Variants in NR3C2 observed in about 807,000 individuals in gnomAD.
NR3C2 encodes the protein mineralocorticoid receptor.
NR3C2 carries 15 observed loss-of-function variants against 86.4 expected under a neutral mutation model. That is an observed-to-expected ratio of 0.17 (90% CI 0.12 to 0.27). The LOEUF (loss-of-function observed/expected upper bound fraction) is 0.27, where lower values mean the gene tolerates loss of function less well. Ranked by LOEUF, NR3C2 falls within the 10% of genes least tolerant of loss-of-function variation. The probability of loss-of-function intolerance (pLI) is 1.00; values close to 1 mark genes in which losing one functional copy is unlikely to be tolerated. For missense variants in NR3C2, 960 were observed against 1,195.6 expected, an observed-to-expected ratio of 0.80 and a Z score of 2.91; for synonymous variants, 458 against 450.5, an observed-to-expected ratio of 1.02 and a Z score of -0.21.
At chr4:148,214,979 G>A (rs1002422422) in intron 3 of NR3C2, among the ~76,000 whole-genome samples, 19 of 122,954 alleles carry the variant, frequency 1.5e-4, no homozygotes, top group Non-Finnish European at 2.7e-4. Flanking sequence ...CTGGGGCTGC[G>A]TGCAGCCTTC....
At position 148,307,850 on chromosome 4, in the gene NR3C2, AAAAAC is replaced by A. The variant is rs530872177; in HGVS notation, c.1758-47738_1758-47734del. 3.1e-3 allele frequency among the ~76,000 whole-genome samples: 472 copies of A among 151,970 alleles called. 1 individual carries two copies. Among genetic ancestry groups the A allele is most frequent in the African/African-American group, 0.011 (447 of 41,404 alleles). On this transcript the variant is annotated intron_variant, in intron 2 of 8. Coordinates refer to ENST00000358102, the MANE Select transcript of NR3C2 (RefSeq NM_000901.5). ...TAAAGCTAAGCTCTGCATCATTAAAAAAAACAAAACAAAACAAAAAAAGGGCACTT... is the reference window on the plus strand; with the variant it reads ...TAAAGCTAAGCTCTGCATCATTAAAAAAAACAAAACAAAAAAAGGGCACTT...
chr4:148,157,664 T>G (rs1222563542), intron 4 of NR3C2, among the ~76,000 whole-genome samples: 1 of 152,066 alleles, frequency 6.6e-6, no homozygotes, highest in Admixed American at 6.5e-5. Flanking sequence ...TGAGCTTAGG[T>G]ATGTGAGAAT....
intron 2 of NR3C2, among the ~76,000 whole-genome samples, chr4:148,336,756 A>G (rs28612659): frequency 0.29 from 44,071 of 152,120 alleles, 7,104 homozygotes; most frequent in Middle Eastern, 0.43. Context: ...TAATCATTAA[A>G]ATGATATAAA....
chr4:148,112,996 T>G (rs1469343652), intron 8 of NR3C2, among the ~76,000 whole-genome samples: 1 of 152,204 alleles, frequency 6.6e-6, no homozygotes, highest in African/African-American at 2.4e-5. Context: ...TTCACAAATA[T>G]GAAGAACTAA....
intron 3 of NR3C2, among the ~76,000 whole-genome samples, chr4:148,240,933 T>G (rs1460957522): frequency 6.6e-6 from 1 of 152,132 alleles, no homozygotes; most frequent in African/African-American, 2.4e-5. Context: ...GATTTCCTGT[T>G]AGGATGAGGT....
chr4:148,352,408 CTAT>C (rs1253156654), intron 2 of NR3C2, among the ~76,000 whole-genome samples: 7 of 151,858 alleles, frequency 4.6e-5, no homozygotes, highest in Non-Finnish European at 1.5e-5. Flanking sequence ...ATCTATCTAT[CTAT>C]CTATCTATCT....
At chr4:148,308,781 T>A (rs952593429) in intron 2 of NR3C2, among the ~76,000 whole-genome samples, 1 of 151,978 alleles carries the variant, frequency 6.6e-6, no homozygotes, top group Non-Finnish European at 1.5e-5. Flanking sequence ...AGCTCAGGAG[T>A]TCGAGACCAG....
chr4:148,114,219 A>G lies in NR3C2; in HGVS notation c.2684T>C (p.Met895Thr). ...GLKSQAAFEE[M>T]RTNYIKELRK... ...CAGTTCTTTGATGTAATTTGTCCTC[A>G]TTTCTTCAAATGCAGCCTGGCTTTT... The change falls in exon 8 of 9, where the codon ATG becomes ACG. Residue 895 changes from methionine (M) to threonine (T), a missense_variant. Met to Thr is a moderately conservative substitution (Grantham distance 81). This residue lies in a region of NR3C2 where 151 missense variants were observed against 296.3 expected (regional missense o/e 0.51). Transcript: ENST00000358102. The G allele has an allele frequency of 1.2e-6, 2 of 1,613,960 alleles. No individual in the cohort carries two copies. Among genetic ancestry groups the G allele is most frequent in the African/African-American group, 1.3e-5 (1 of 74,998 alleles).
chr4:148,244,684 AG>A (rs1739232987), intron 3 of NR3C2, among the ~76,000 whole-genome samples: 1 of 152,200 alleles, frequency 6.6e-6, no homozygotes, highest in Admixed American at 6.5e-5. Flanking sequence ...TTGAAGGGAG[AG>A]GAAGAGCCTA....
chr4:148,156,213 A>C, intron 4 of NR3C2, among the ~76,000 whole-genome samples: 1 of 152,248 alleles, frequency 6.6e-6, no homozygotes, highest in Non-Finnish European at 1.5e-5. Context: ...CAAGGACTTC[A>C]TGTCTAAAAC....
chr4:148,436,945 A>G, intron 1 of NR3C2, 83 bp from the exon 2 acceptor site: 1 of 1,127,838 alleles, frequency 8.9e-7, no homozygotes, highest in Non-Finnish European at 1.3e-6. Flanking sequence ...GCATTTGCTA[A>G]GCCACAAAAC....
At chr4:148,314,501 A>C (rs1743068964) in intron 2 of NR3C2, among the ~76,000 whole-genome samples, 1 of 152,148 alleles carries the variant, frequency 6.6e-6, no homozygotes, top group Admixed American at 6.5e-5. Context: ...TCTTACATTT[A>C]TATTTTACAA....
At chr4:148,193,945 C>T (rs181985787) in intron 4 of NR3C2, among the ~76,000 whole-genome samples, 134 of 152,276 alleles carry the variant, frequency 8.8e-4, no homozygotes, top group African/African-American at 3.1e-3. Context: ...ATCTTAAAAG[C>T]CAGTTTTATT....
intron 2 of NR3C2, among the ~76,000 whole-genome samples, chr4:148,412,413 G>GT (rs1475569989): frequency 6.6e-6 from 1 of 152,082 alleles, no homozygotes; most frequent in African/African-American, 2.4e-5. Flanking sequence ...CATAAGTGAA[G>GT]TAAAAAAAGA....
chr4:148,444,561 G>A (rs946679641), upstream of NR3C2: 3 of 987,870 alleles, frequency 3.0e-6, no homozygotes, highest in African/African-American at 1.7e-5. Flanking sequence ...TGGGGCGGGG[G>A]AAGGGGAACG....
intron 2 of NR3C2, among the ~76,000 whole-genome samples, chr4:148,333,949 A>G (rs1323968634): frequency 6.6e-6 from 1 of 152,204 alleles, no homozygotes; most frequent in Non-Finnish European, 1.5e-5. Flanking sequence ...AATTATACAA[A>G]ATCTATTTAA....
intron 2 of NR3C2, among the ~76,000 whole-genome samples, chr4:148,420,923 G>A (rs928203975): frequency 7.2e-5 from 11 of 152,132 alleles, no homozygotes; most frequent in Non-Finnish European, 2.9e-5. Flanking sequence ...CTCAGAAGCC[G>A]AGCAGATGCC....
intron 2 of NR3C2, among the ~76,000 whole-genome samples, chr4:148,277,260 A>C (rs1316284259): frequency 6.6e-6 from 1 of 152,228 alleles, no homozygotes; most frequent in Non-Finnish European, 1.5e-5. Context: ...TTGCAATATT[A>C]AGATAACGAA....
At chr4:148,289,311 C>T (rs1028902614) in intron 2 of NR3C2, among the ~76,000 whole-genome samples, 2 of 148,524 alleles carry the variant, frequency 1.3e-5, no homozygotes, top group Non-Finnish European at 3.0e-5. Flanking sequence ...AATATGACAG[C>T]CAACAACTCT....
Sources: allele counts gnomAD v4.1 joint callset (sites outside exome capture counted in the v4.1 genomes callset), GRCh38; gene constraint gnomAD v4.1.1; regional missense constraint gnomAD v4.1.1; transcripts MANE v1.5; gene names NCBI Gene and HGNC (gene_info 2026-07-23, HGNC 2026-07-21).